TSHZ2: variants seen among roughly 807,000 people sequenced by gnomAD.
TSHZ2 encodes the protein teashirt homolog 2.
In TSHZ2, 21 loss-of-function variants were observed where a neutral mutation model predicts 74.4. That is an observed-to-expected ratio of 0.28 (90% CI 0.20 to 0.41). The LOEUF (loss-of-function observed/expected upper bound fraction) is 0.41. TSHZ2 is among the 10% of genes least tolerant of loss of function. The pLI is 1.00. For synonymous variants in TSHZ2, 540 were observed against 515.3 expected (o/e 1.05, Z -0.65); for missense variants, 1,244 against 1,293.5 (o/e 0.96, Z 0.59).
intron 1 of TSHZ2, among the ~76,000 whole-genome samples, chr20:53,226,301 A>G (rs1989686049): frequency 6.6e-6 from 1 of 152,118 alleles, no homozygotes; most frequent in Non-Finnish European, 1.5e-5. Context: ...TGTAAAAAAG[A>G]CACAACAAAA....
intron 1 of TSHZ2, among the ~76,000 whole-genome samples, chr20:53,170,323 T>C (rs1988168754): frequency 6.6e-6 from 1 of 152,258 alleles, no homozygotes; most frequent in Non-Finnish European, 1.5e-5. Context: ...CTGTATCTAC[T>C]GTAATGTGAT....
chr20:53,312,535 T>C (rs1002474422), intron 2 of TSHZ2, among the ~76,000 whole-genome samples: 4 of 152,064 alleles, frequency 2.6e-5, no homozygotes, highest in African/African-American at 9.7e-5. Flanking sequence ...GAGGAGACAA[T>C]AGAGAGGGAA....
rs544898310 is a variant in TSHZ2 at position 53,129,032 on chromosome 20, G to A, written c.41-124467G>A. 3.3e-5 allele frequency among the ~76,000 whole-genome samples: 5 copies of A among 152,114 alleles called. No individual in the cohort carries two copies. The South Asian group carries it at 6.2e-4, about 19-fold the overall frequency. ...TGAAGTGAACAAAGGCTGTGACCCC[G>A]TACTTACATATCTAGCAATCTAGTA... On this transcript the variant is annotated intron_variant, in intron 1 of 2. Transcript: ENST00000371497.
chr20:52,978,636 C>T (rs1010123286), intron 1 of TSHZ2, among the ~76,000 whole-genome samples: 27 of 152,064 alleles, frequency 1.8e-4, no homozygotes, highest in African/African-American at 5.8e-4. Context: ...TGTCTTGCAT[C>T]GCTTCCCTGA....
chr20:53,185,821 T>C, intron 1 of TSHZ2: 1 of 1,093,808 alleles, frequency 9.1e-7, no homozygotes, highest in Non-Finnish European at 1.3e-6. Context: ...GTAATTTAAT[T>C]GAGTTTTTAA....
intron 1 of TSHZ2, among the ~76,000 whole-genome samples, chr20:53,013,290 G>A (rs916034055): frequency 6.6e-6 from 1 of 152,080 alleles, no homozygotes; most frequent in Non-Finnish European, 1.5e-5. Context: ...GTTAATGGAA[G>A]GTGGCTATTT....
At chr20:53,441,880 C>G (rs1422774764) in intron 2 of TSHZ2, among the ~76,000 whole-genome samples, 1 of 152,226 alleles carries the variant, frequency 6.6e-6, no homozygotes, top group African/African-American at 2.4e-5. Flanking sequence ...TCACTCCCAG[C>G]CTTTTCATTA....
At chr20:53,191,190 C>A (rs150725216) in intron 1 of TSHZ2, among the ~76,000 whole-genome samples, 1 of 151,848 alleles carries the variant, frequency 6.6e-6, no homozygotes, top group Non-Finnish European at 1.5e-5. Flanking sequence ...AACATTATTA[C>A]GTATTGTATT....
intron 2 of TSHZ2, among the ~76,000 whole-genome samples, chr20:53,484,382 CTTTTTTTTTTT>C (rs10610067): frequency 2.0e-5 from 2 of 98,856 alleles, no homozygotes; most frequent in South Asian, 6.3e-4. Flanking sequence ...TTATCTCTCT[CTTTTTTTTTTT>C]TTTTTTTTTT....
chr20:53,280,686 T>C (rs866956711), intron 2 of TSHZ2, among the ~76,000 whole-genome samples: 2 of 147,172 alleles, frequency 1.4e-5, no homozygotes, highest in Non-Finnish European at 3.0e-5. Context: ...TGTTGTTGTG[T>C]GTGGGGGTTT....
chr20:53,443,076 T>C lies in TSHZ2; in HGVS notation c.*9-44068T>C, dbSNP rs566334509. ...CATTTGCAAAAATTACAGTTTTGCA[T>C]TGAGACTGGTTTCTAAACATCCATC... is the stretch of plus-strand genomic sequence containing the variant. On this transcript the variant is annotated intron_variant, in intron 2 of 2. Coordinates refer to ENST00000371497, the MANE Select transcript of TSHZ2 (RefSeq NM_173485.6). 6.0e-4 allele frequency among the ~76,000 whole-genome samples: 92 copies of C among 152,270 alleles called. 1 individual carries two copies. The highest frequency in any genetic ancestry group is 2.0e-3 in the African/African-American group (85 of 41,562).
intron 1 of TSHZ2, among the ~76,000 whole-genome samples, chr20:53,168,226 T>C (rs1464628686): frequency 6.6e-6 from 1 of 152,228 alleles, no homozygotes; most frequent in East Asian, 1.9e-4. Context: ...GAGGCTGTCC[T>C]GTATATCGTC....
intron 2 of TSHZ2, among the ~76,000 whole-genome samples, chr20:53,483,211 G>A (rs1263898074): frequency 8.6e-6 from 1 of 116,646 alleles, no homozygotes; most frequent in Non-Finnish European, 1.8e-5. Context: ...AAGGCGGGGA[G>A]AATGGCTTGG....
At chr20:53,417,400 G>A (rs998978879) in intron 2 of TSHZ2, among the ~76,000 whole-genome samples, 1 of 152,012 alleles carries the variant, frequency 6.6e-6, no homozygotes, top group African/African-American at 2.4e-5. Flanking sequence ...AGGTTCAAGC[G>A]ATTCTCCTGC....
intron 2 of TSHZ2, among the ~76,000 whole-genome samples, chr20:53,337,272 A>C: frequency 6.6e-6 from 1 of 152,214 alleles, no homozygotes; most frequent in East Asian, 1.9e-4. Context: ...GACTTTCATC[A>C]CATCTAGAAA....
intron 1 of TSHZ2, among the ~76,000 whole-genome samples, chr20:52,995,335 G>A (rs1010758157): frequency 3.9e-5 from 6 of 152,312 alleles, no homozygotes; most frequent in South Asian, 2.1e-4. Flanking sequence ...TAGCAGAAAA[G>A]AACATCTCTC....
intron 1 of TSHZ2, among the ~76,000 whole-genome samples, chr20:53,149,748 A>G (rs2123436843): frequency 6.6e-6 from 1 of 152,322 alleles, no homozygotes; most frequent in East Asian, 1.9e-4. Context: ...AACCTATTTG[A>G]ACAAAAGCAG....
intron 2 of TSHZ2, among the ~76,000 whole-genome samples, chr20:53,445,725 A>G (rs1248393704): frequency 6.6e-6 from 1 of 152,186 alleles, no homozygotes. Flanking sequence ...CAGAAGTACA[A>G]TCCCAAGAAT....
intron 1 of TSHZ2, among the ~76,000 whole-genome samples, chr20:53,139,123 TAGCAAATGGTGACAC>T (rs1428439252): frequency 6.6e-6 from 1 of 152,194 alleles, no homozygotes; most frequent in Non-Finnish European, 1.5e-5. Context: ...CATTTACCCT[TAGCAAATGGTGACAC>T]AGCTGCACAG....
Sources: gnomAD v4.1 joint callset for allele counts (sites outside exome capture counted in the v4.1 genomes callset) on GRCh38, gnomAD v4.1.1 for gene constraint, MANE v1.5 for transcripts, NCBI Gene and HGNC (gene_info 2026-07-23, HGNC 2026-07-21) for gene names.